MPPE1: variants seen among roughly 807,000 people sequenced by gnomAD.
MPPE1 encodes metallophosphoesterase 1, also known as metallo phosphoesterase.
In MPPE1, 28 loss-of-function variants were observed where a neutral mutation model predicts 43.8. That is an observed-to-expected ratio of 0.64 (90% CI 0.47 to 0.88). The LOEUF (loss-of-function observed/expected upper bound fraction) is 0.88. MPPE1 is among the 40% of genes least tolerant of loss of function. The probability of loss-of-function intolerance (pLI) is 0.00; values close to 1 mark genes in which losing one functional copy is unlikely to be tolerated. For missense variants in MPPE1, 428 were observed against 492.2 expected, an observed-to-expected ratio of 0.87 and a Z score of 1.23; for synonymous variants, 159 against 188.5, an observed-to-expected ratio of 0.84 and a Z score of 1.28.
rs751300623 is a variant in MPPE1, at chr18:11,884,242, T to G, written c.*203A>C. The G allele has an allele frequency of 3.1e-5, 17 of 556,888 alleles. No individual in the cohort carries two copies. Among genetic ancestry groups the G allele is most frequent in the Non-Finnish European group, 4.8e-5 (15 of 313,034 alleles). The allele number at this position is 556,888 out of a possible 1,614,324, so 34.5% of individuals were successfully genotyped here. Reference sequence around the variant, plus strand: ...TGATAAAAATGAGAAAACAGATTTGTTGTAGAGTACCTGTCCACTTTTATA... The same window carrying G: ...TGATAAAAATGAGAAAACAGATTTGGTGTAGAGTACCTGTCCACTTTTATA... On this transcript the variant is annotated 3_prime_UTR_variant, in exon 11 of 11. Coordinates refer to ENST00000588072, the MANE Select transcript of MPPE1 (RefSeq NM_023075.6).
Position 11,884,626 on chromosome 18 carries a change from C to A in MPPE1, c.1010G>T (p.Gly337Val), listed in dbSNP as rs2036901636. 6.2e-7 allele frequency: 1 copy of A among 1,612,906 alleles called. No individual in the cohort carries two copies. Among genetic ancestry groups the A allele is most frequent in the Non-Finnish European group, 8.5e-7 (1 of 1,179,468 alleles). Reference protein sequence around the residue: ...RNRNNPSFIMGSITPTDYTLS... With the variant: ...RNRNNPSFIMVSITPTDYTLS... Reference sequence around the variant, plus strand: ...GGTGTAGTCTGTGGGCGTGATGCTACCCTGGAAAGGAGAAGGGAAAGTTAT... The same window carrying A: ...GGTGTAGTCTGTGGGCGTGATGCTAACCTGGAAAGGAGAAGGGAAAGTTAT... Residue 337 changes from glycine to valine, a missense_variant and splice_region_variant, in exon 11 of 11, where the codon GGT becomes GTT. By Grantham distance (109) the Gly-to-Val change is moderately radical. This residue lies in a region of MPPE1 where 379 missense variants were observed against 402.5 expected (regional missense o/e 0.94). Transcript: ENST00000588072.
rs1344134474 is a variant in MPPE1, at chr18:11,884,634, A to G, written c.1009-7T>C. The G allele has an allele frequency of 6.2e-7, 1 of 1,612,690 alleles. No individual in the cohort carries two copies. The highest frequency in any genetic ancestry group is 8.5e-7 in the Non-Finnish European group (1 of 1,179,202). On this transcript the variant is annotated splice_region_variant and splice_polypyrimidine_tract_variant and intron_variant, in intron 10 of 10. Coordinates refer to ENST00000588072, the MANE Select transcript of MPPE1 (RefSeq NM_023075.6). Reference sequence around the variant, plus strand: ...CTGTGGGCGTGATGCTACCCTGGAAAGGAGAAGGGAAAGTTATGCTGAGAG... The same window carrying G: ...CTGTGGGCGTGATGCTACCCTGGAAGGGAGAAGGGAAAGTTATGCTGAGAG...
At position 11,885,689 on chromosome 18, in the gene MPPE1, G is replaced by A. The variant is rs767910786; in HGVS notation, c.995C>T (p.Pro332Leu). The A allele has an allele frequency of 6.2e-7, 1 of 1,613,082 alleles. No individual in the cohort carries two copies. Among genetic ancestry groups the A allele is most frequent in the Non-Finnish European group, 8.5e-7 (1 of 1,179,306 alleles). ...CTTTCACGTTACCATGATGAAACTG[G>A]GGTTGTTTCTGTTCCTCCAACTGAA... ...PSFSWRNRNN[P>L]SFIMGSITPT... Residue 332 changes from proline (P) to leucine (L), a missense_variant, in exon 10 of 11, where the codon CCC becomes CTC. Around this residue, in one of 3 missense-constraint regions of MPPE1, gnomAD observed 379 missense variants for 402.5 expected, o/e 0.94. Transcript: ENST00000588072.
intron 6 of MPPE1, among the ~76,000 whole-genome samples, chr18:11,888,029 CACCT>C (rs2037534537): frequency 1.3e-5 from 2 of 152,200 alleles, no homozygotes; most frequent in Non-Finnish European, 2.9e-5. Context: ...CTTCCACTCC[CACCT>C]GTTTTCTCCA....
intron 4 of MPPE1, 69 bp from the exon 5 acceptor site, chr18:11,889,559 C>A: frequency 7.9e-7 from 1 of 1,266,926 alleles, no homozygotes; most frequent in South Asian, 1.4e-5. Flanking sequence ...AAAACAGGAT[C>A]CCTATTTTGT....
chr18:11,897,344 C>G lies in MPPE1; in HGVS notation c.-80G>C. On this transcript the variant is annotated 5_prime_UTR_variant, in exon 3 of 11. Coordinates refer to ENST00000588072, the MANE Select transcript of MPPE1 (RefSeq NM_023075.6). ...CTGGGGAGGGTGATGGCATTCAGGT[C>G]TTAGCTGGGCACCTACGGGAAAAGG... 1 of 1,102,556 alleles carries G rather than the reference C, an allele frequency of 9.1e-7. No individual in the cohort carries two copies. Among genetic ancestry groups the G allele is most frequent in the South Asian group, 1.5e-5 (1 of 66,226 alleles). 68.3% of individuals were successfully genotyped at this position (1,102,556 alleles called of 1,614,324 possible).
In MPPE1 at chr18:11,884,436, GC is replaced by G; in HGVS notation, c.*8del. The G allele has an allele frequency of 6.2e-7, 1 of 1,611,820 alleles. No homozygotes were observed. The highest frequency in any genetic ancestry group is 1.1e-5 in the South Asian group (1 of 91,006). On this transcript the variant is annotated 3_prime_UTR_variant, in exon 11 of 11. Coordinates refer to ENST00000588072, the MANE Select transcript of MPPE1 (RefSeq NM_023075.6). ...CTTGGGCTTTGATATTTATAATGGC[GC>G]CTGCTCTTCATCTTGTCTTACGCTT... is the stretch of plus-strand genomic sequence containing the variant.
intron 2 of MPPE1, among the ~76,000 whole-genome samples, chr18:11,900,237 T>C (rs555903632): frequency 2.6e-5 from 4 of 152,198 alleles, no homozygotes; most frequent in Admixed American, 2.0e-4. Context: ...TCCTAGCTAC[T>C]CAGGAGGCTG....
rs2036728750 is a variant in MPPE1, at chr18:11,882,652, C to T, written c.*1793G>A. 7.0e-6 allele frequency: 1 copy of T among 142,356 alleles called. No homozygotes were observed. The highest frequency in any genetic ancestry group is 1.5e-5 in the Non-Finnish European group (1 of 66,718). 8.8% of individuals were successfully genotyped at this position (142,356 alleles called of 1,614,324 possible). A position where few individuals can be genotyped will look rare whatever the true frequency, so the allele number is the denominator to read the frequency against. ...AGTGAGCCGAGGTCGTGCCATCGCA[C>T]TCCAGCCTGGACATCAAAGTGAGAC... On this transcript the variant is annotated 3_prime_UTR_variant, in exon 11 of 11. Coordinates refer to ENST00000588072, the MANE Select transcript of MPPE1 (RefSeq NM_023075.6).
At chr18:11,905,325 A>G (rs2039612647) in intron 2 of MPPE1, 1 of 146,574 alleles carries the variant, frequency 6.8e-6, no homozygotes. Flanking sequence ...AAAACAAAAC[A>G]AAAAAAAACA....
Position 11,885,687 on chromosome 18 carries a change from T to C in MPPE1, c.997A>G (p.Ser333Gly). The change falls in exon 10 of 11, where the codon AGT (serine) becomes GGT (glycine). Residue 333 changes from serine to glycine, a missense_variant. Around this residue, in one of 3 missense-constraint regions of MPPE1, gnomAD observed 379 missense variants for 402.5 expected, o/e 0.94. Transcript: ENST00000588072. ...SFSWRNRNNP[S>G]FIMGSITPTD... ...AACTTTCACGTTACCATGATGAAAC[T>C]GGGGTTGTTTCTGTTCCTCCAACTG... is the stretch of plus-strand genomic sequence containing the variant. 6.2e-7 allele frequency: 1 copy of C among 1,613,004 alleles called. No individual in the cohort carries two copies. Among genetic ancestry groups the C allele is most frequent in the Non-Finnish European group, 8.5e-7 (1 of 1,179,294 alleles).
intron 3 of MPPE1, among the ~76,000 whole-genome samples, chr18:11,896,275 T>C (rs2028625): frequency 0.043 from 6,571 of 152,092 alleles, 223 homozygotes; most frequent in Non-Finnish European, 0.062. Flanking sequence ...CTAATTTTTC[T>C]ATTTTTAGTA....
chr18:11,885,030 T>G, intron 10 of MPPE1: 1 of 1,295,466 alleles, frequency 7.7e-7, no homozygotes, highest in East Asian at 5.5e-5. Context: ...GATGCTCAAC[T>G]AAGCATCTGT....
Position 11,885,789 on chromosome 18 carries a change from C to G in MPPE1, c.895G>C (p.Val299Leu), listed in dbSNP as rs2037134568. Residue 299 changes from valine to leucine, a missense_variant, in exon 10 of 11, where the codon GTT (valine) becomes CTT (leucine). Coordinates refer to ENST00000588072, the MANE Select transcript of MPPE1 (RefSeq NM_023075.6). ...GCGCTGTGCGTGTGGCCACTGAGAA[C>G]CAGGCGCGGCTGGAGCCACCACAGC... ...KLLWWLQPRL[V>L]LSGHTHSACE... 6.2e-7 allele frequency: 1 copy of G among 1,611,816 alleles called. No homozygotes were observed. Among genetic ancestry groups the G allele is most frequent in the African/African-American group, 1.3e-5 (1 of 74,930 alleles).
At chr18:11,888,076 C>T (rs1303443472) in intron 6 of MPPE1, among the ~76,000 whole-genome samples, 1 of 152,174 alleles carries the variant, frequency 6.6e-6, no homozygotes, top group Non-Finnish European at 1.5e-5. Context: ...GTATAGAGTC[C>T]TGTCCACTGT....
intron 6 of MPPE1, 30 bp downstream of exon 6, chr18:11,888,639 G>A: frequency 1.4e-6 from 2 of 1,396,178 alleles, no homozygotes. Context: ...AGGACTAAAG[G>A]TCTTGGAAGA....
chr18:11,898,083 T>G (rs1399303342), intron 2 of MPPE1, among the ~76,000 whole-genome samples: 1 of 144,514 alleles, frequency 6.9e-6, no homozygotes, highest in Admixed American at 6.8e-5. Flanking sequence ...TTTTGTTTTG[T>G]TTTTGAAATG....
chr18:11,906,695 A>C (rs1460943179), intron 1 of MPPE1, among the ~76,000 whole-genome samples: 1 of 151,992 alleles, frequency 6.6e-6, no homozygotes, highest in Non-Finnish European at 1.5e-5. Flanking sequence ...GTCTCTACTA[A>C]AAATACAAAA....
intron 3 of MPPE1, among the ~76,000 whole-genome samples, chr18:11,894,496 C>T (rs1291791420): frequency 1.3e-5 from 2 of 150,730 alleles, no homozygotes; most frequent in African/African-American, 2.4e-5. Flanking sequence ...GGCTTAACAT[C>T]CCAGCTCAAT....
Sources: gnomAD v4.1 joint callset for allele counts (sites outside exome capture counted in the v4.1 genomes callset) on GRCh38, gnomAD v4.1.1 for gene constraint, gnomAD v4.1.1 regional missense constraint, MANE v1.5 for transcripts, NCBI Gene and HGNC (gene_info 2026-07-23, HGNC 2026-07-21) for gene names.